SYNPR: variants seen among roughly 807,000 people sequenced by gnomAD.
SYNPR encodes the protein synaptoporin.
Under a neutral mutation model 32.9 loss-of-function variants are expected in SYNPR, and 23 were observed. The observed-to-expected ratio is 0.70, with a 90% CI of 0.50 to 0.99. The LOEUF (loss-of-function observed/expected upper bound fraction) is 0.99. SYNPR is among the 50% of genes least tolerant of loss of function. The probability of loss-of-function intolerance (pLI) is 0.00; values close to 1 mark genes in which losing one functional copy is unlikely to be tolerated. For missense variants in SYNPR, 318 were observed against 349.3 expected (o/e 0.91, Z 0.71); for synonymous variants, 146 against 135.9 (o/e 1.07, Z -0.52).
intron 3 of SYNPR, among the ~76,000 whole-genome samples, chr3:63,484,520 G>A (rs1575668986): frequency 1.3e-5 from 2 of 152,232 alleles, no homozygotes; most frequent in East Asian, 3.9e-4. Flanking sequence ...CAGAGGTTAG[G>A]GGGCTATAGG....
chr3:63,272,805 G>T (rs765118712), intron 3 of SYNPR, among the ~76,000 whole-genome samples: 61 of 151,934 alleles, frequency 4.0e-4, no homozygotes, highest in African/African-American at 1.4e-3. Context: ...ACATCTCTTT[G>T]GCTGCAGCAC....
chr3:63,411,257 G>A (rs1033909139), intron 2 of SYNPR, among the ~76,000 whole-genome samples: 1 of 152,226 alleles, frequency 6.6e-6, no homozygotes, highest in East Asian at 1.9e-4. Context: ...TTGAAAAGGA[G>A]GTGAGCTTCA....
intron 3 of SYNPR, among the ~76,000 whole-genome samples, chr3:63,530,127 AC>A (rs1386333524): frequency 6.6e-6 from 1 of 151,958 alleles, no homozygotes; most frequent in Non-Finnish European, 1.5e-5. Context: ...AAGTAAAAAC[AC>A]CCTAGGAGAT....
chr3:63,571,355 C>A (rs1014749401), intron 4 of SYNPR, among the ~76,000 whole-genome samples: 1 of 152,094 alleles, frequency 6.6e-6, no homozygotes, highest in Non-Finnish European at 1.5e-5. Context: ...CTTACTTTTG[C>A]CTTTCTCTTT....
At chr3:63,392,441 T>C (rs112823710) in intron 2 of SYNPR, among the ~76,000 whole-genome samples, 8 of 152,186 alleles carry the variant, frequency 5.3e-5, no homozygotes, top group Non-Finnish European at 1.5e-5. Flanking sequence ...AGCTAGTGTG[T>C]GTGTGCATTT....
At position 63,616,415 on chromosome 3, in the gene SYNPR, C is replaced by A. The variant is rs532730270; in HGVS notation, c.*934C>A. On this transcript the variant is annotated 3_prime_UTR_variant, in exon 6 of 6. Coordinates refer to ENST00000478300, the MANE Select transcript of SYNPR (RefSeq NM_001130003.2). ...AGATATAGATACCATAGTCAAGGTA[C>A]CGCCTTGCTGAAGTATTTATTTATA... 6.6e-6 allele frequency: 1 copy of A among 152,392 alleles called. No homozygotes were observed. Among genetic ancestry groups the A allele is most frequent in the East Asian group, 1.9e-4 (1 of 5,178 alleles). The allele number at this position is 152,392 out of a possible 1,614,324, so 9.4% of individuals were successfully genotyped here.
chr3:63,203,102 T>TATATATATATATA, the SYNPR span: 1 of 92,432 alleles, frequency 1.1e-5, no homozygotes. Flanking sequence ...ATATATATAT[T>TATATATATATATA]TGCCACGTTT....
At chr3:63,417,554 CT>C (rs1259656288) in intron 2 of SYNPR, among the ~76,000 whole-genome samples, 28 of 152,236 alleles carry the variant, frequency 1.8e-4, no homozygotes, top group Non-Finnish European at 1.3e-4. Flanking sequence ...CATTTCCCTT[CT>C]GCACTTCCCT....
At chr3:63,384,346 G>A (rs544597921) in intron 2 of SYNPR, among the ~76,000 whole-genome samples, 5 of 152,164 alleles carry the variant, frequency 3.3e-5, no homozygotes, top group Non-Finnish European at 2.9e-5. Context: ...TATCCTCCAC[G>A]AATATCATTT....
chr3:63,310,465 T>A (rs1186351508), intron 2 of SYNPR, among the ~76,000 whole-genome samples: 1 of 152,088 alleles, frequency 6.6e-6, no homozygotes, highest in Non-Finnish European at 1.5e-5. Flanking sequence ...AAATTGGAAA[T>A]CTCATACTTT....
At chr3:63,606,661 G>A (rs187539737) in intron 4 of SYNPR, among the ~76,000 whole-genome samples, 2 of 151,756 alleles carry the variant, frequency 1.3e-5, no homozygotes, top group African/African-American at 2.4e-5. Flanking sequence ...GAACTCCTGG[G>A]TTCAAACAAT....
At position 63,290,141 on chromosome 3, in the gene SYNPR, A is replaced by AAAAAAAAC. The variant is rs11280661; in HGVS notation, c.84+11401_84+11402insAAAAACAA. On this transcript the variant is annotated intron_variant, in intron 2 of 5. Coordinates refer to ENST00000478300, the MANE Select transcript of SYNPR (RefSeq NM_001130003.2). ...CAAGACTCCGTCTCAAAAAACAAAA[A>AAAAAAAAC]AACTCCTTTTCACATATGAAAAAAT... Among the ~76,000 whole-genome samples the AAAAAAAAC allele has an allele frequency of 6.2e-5, 9 of 145,446 alleles. 1 individual carries two copies. The highest frequency in any genetic ancestry group is 2.0e-4 in the East Asian group (1 of 4,984).
intron 4 of SYNPR, among the ~76,000 whole-genome samples, chr3:63,561,731 A>G (rs1422914257): frequency 6.6e-6 from 1 of 152,144 alleles, no homozygotes; most frequent in African/African-American, 2.4e-5. Flanking sequence ...GAAGATACCA[A>G]TGAGAGAAAA....
chr3:63,581,323 G>C (rs1343336193), intron 4 of SYNPR, among the ~76,000 whole-genome samples: 3 of 129,102 alleles, frequency 2.3e-5, no homozygotes, highest in Admixed American at 2.2e-4. Flanking sequence ...TGTATGTTGG[G>C]GACAGGGGTA....
At chr3:63,558,438 TC>T (rs1195726845) in intron 4 of SYNPR, among the ~76,000 whole-genome samples, 1 of 152,076 alleles carries the variant, frequency 6.6e-6, no homozygotes, top group African/African-American at 2.4e-5. Context: ...GCTCAGATGA[TC>T]CTCCCACCTC....
intron 4 of SYNPR, among the ~76,000 whole-genome samples, chr3:63,563,623 T>C (rs1451813648): frequency 2.0e-5 from 3 of 152,176 alleles, no homozygotes; most frequent in Non-Finnish European, 4.4e-5. Flanking sequence ...TTTATGTCAG[T>C]TCCATTTCAT....
At chr3:63,571,180 T>C (rs1383136394) in intron 4 of SYNPR, among the ~76,000 whole-genome samples, 2 of 152,172 alleles carry the variant, frequency 1.3e-5, no homozygotes, top group Non-Finnish European at 2.9e-5. Context: ...CCCTTCCACA[T>C]GCGTACTAAA....
intron 3 of SYNPR, among the ~76,000 whole-genome samples, chr3:63,534,086 C>G (rs1437749406): frequency 6.6e-6 from 1 of 152,128 alleles, no homozygotes; most frequent in Non-Finnish European, 1.5e-5. Context: ...TCAAGTACAA[C>G]ACATTTAGAC....
chr3:63,232,582 T>C (rs1278296483), intron 1 of SYNPR, among the ~76,000 whole-genome samples: 1 of 152,172 alleles, frequency 6.6e-6, no homozygotes, highest in Non-Finnish European at 1.5e-5. Context: ...CCTCCAAAAT[T>C]ATCTAATGTT....
Sources: allele counts gnomAD v4.1 joint callset (sites outside exome capture counted in the v4.1 genomes callset), GRCh38; gene constraint gnomAD v4.1.1; transcripts MANE v1.5; gene names NCBI Gene and HGNC (gene_info 2026-07-23, HGNC 2026-07-21).